The following COL5A3 variants were observed in gnomAD, a reference collection of about 807,000 sequenced individuals.
The protein encoded by COL5A3 is collagen type V alpha 3 chain, also known as collagen alpha-3(V) chain.
COL5A3 carries 172 observed loss-of-function variants against 250.0 expected under a neutral mutation model. The ratio of observed to expected loss-of-function variants is 0.69; its 90% CI spans 0.61 to 0.78. The LOEUF (loss-of-function observed/expected upper bound fraction) is 0.78, where lower values mean the gene tolerates loss of function less well. Ranked by LOEUF, COL5A3 falls within the 30% of genes least tolerant of loss-of-function variation. The pLI is 0.00. For missense variants in COL5A3, 2,340 were observed against 2,334.4 expected, an observed-to-expected ratio of 1.00 and a Z score of -0.05; for synonymous variants, 937 against 900.4, an observed-to-expected ratio of 1.04 and a Z score of -0.73.
At position 9,997,377 on chromosome 19, in the gene COL5A3, ACCAGGGTCG is replaced by A. The variant is rs754035787; in HGVS notation, c.1248_1256del (p.Asp417_Gly419del). The A allele has an allele frequency of 3.1e-6, 5 of 1,609,132 alleles. No individual in the cohort carries two copies. The East Asian group carries it at 1.1e-4, about 36-fold the overall frequency. ...CCCAGTGGGAGTCTCTTACCGGTGG[ACCAGGGTCG>A]CCAGGGAATCCTGGGGGGCCGGGAG... On this transcript the variant is annotated inframe_deletion, in exon 11 of 67. Coordinates refer to ENST00000264828, the MANE Select transcript of COL5A3 (RefSeq NM_015719.4).
At chr19:9,972,890 G>T in intron 51 of COL5A3, 29 bp downstream of exon 51, 1 of 1,510,638 alleles carries the variant, frequency 6.6e-7, no homozygotes, top group Non-Finnish European at 8.9e-7. Context: ...CCCCTCCCAT[G>T]TCTGCCCCCA....
At position 9,986,354 on chromosome 19, in the gene COL5A3, C is replaced by T; in HGVS notation, c.2313G>A (p.Gln771=). 6.3e-7 allele frequency: 1 copy of T among 1,594,196 alleles called. No homozygotes were observed. The highest frequency in any genetic ancestry group is 8.5e-7 in the Non-Finnish European group (1 of 1,175,278). The part of the protein sequence containing the change: ...GPEGPKGQAG[Q]AGEEGPPGSA... ...AGCCTGGGGGCCCCTCCTCGCCAGC[C>T]TGCCCCGCCTGCCCCTTCGGCCCCT... The change falls in exon 30 of 67, where the codon CAG becomes CAA. Residue 771 remains glutamine (Q), a synonymous_variant. Coordinates refer to ENST00000264828, the MANE Select transcript of COL5A3 (RefSeq NM_015719.4).
chr19:9,977,251 C>A lies in COL5A3; in HGVS notation c.3266G>T (p.Ser1089Ile). Residue 1089 changes from serine (S) to isoleucine (I), a missense_variant, in exon 44 of 67, where the codon AGT becomes ATT. Physicochemically the swap from Ser to Ile is moderately radical, Grantham distance 142. Around this residue, in one of 3 missense-constraint regions of COL5A3, gnomAD observed 1,179 missense variants for 1,162.6 expected, o/e 1.01. Transcript: ENST00000264828. ...GDVGAPGHKG[S>I]KGDKGDAGPP... ...CACCGCGTCTCCTTTATCGCCTTTA[C>A]TCCCCTTGTGTCCGGGGGCACCCAC... The A allele has an allele frequency of 6.2e-7, 1 of 1,613,868 alleles. No individual in the cohort carries two copies. The highest frequency in any genetic ancestry group is 8.5e-7 in the Non-Finnish European group (1 of 1,179,818).
In COL5A3 at chr19:10,003,674, T is replaced by A; in HGVS notation, c.740A>T (p.Lys247Met). 2 of 1,614,130 alleles carry A rather than the reference T, an allele frequency of 1.2e-6. No homozygotes were observed. The highest frequency in any genetic ancestry group is 1.7e-6 in the Non-Finnish European group (2 of 1,180,026). ...GEPETPRPRR[K>M]GKGKGRKKGR... The stretch of plus-strand genomic sequence containing the variant: ...TTTCTTCCTCCCTTTTCCCTTCCCC[T>A]TCCGCCGAGGACGAGGGGTTTCTGG... Residue 247 changes from lysine to methionine, a missense_variant, in exon 6 of 67, where the codon AAG becomes ATG. By Grantham distance (95) the Lys-to-Met change is moderately conservative. This residue lies in a region of COL5A3 where 1,152 missense variants were observed against 1,146.3 expected (regional missense o/e 1.00). Coordinates refer to ENST00000264828, the MANE Select transcript of COL5A3 (RefSeq NM_015719.4).
At chr19:9,986,292 C>G in intron 30 of COL5A3, 23 bp downstream of exon 30, 1 of 1,453,216 alleles carries the variant, frequency 6.9e-7, no homozygotes, top group Non-Finnish European at 9.3e-7. Flanking sequence ...CTGTGGGAGG[C>G]TAGAGGGTGG....
At chr19:9,993,545 C>T in intron 18 of COL5A3, 74 bp downstream of exon 18, 1 of 1,585,594 alleles carries the variant, frequency 6.3e-7, no homozygotes, top group Non-Finnish European at 8.7e-7. Context: ...GACTCTGATA[C>T]TGAGGGAGAA....
At chr19:10,008,032 G>T (rs2087467102) in intron 1 of COL5A3, among the ~76,000 whole-genome samples, 1 of 151,166 alleles carries the variant, frequency 6.6e-6, no homozygotes, top group Admixed American at 6.6e-5. Context: ...TGCCTGTTTT[G>T]TGGCTAGGCT....
Position 9,976,369 on chromosome 19 carries a change from G to C in COL5A3, c.3342+189C>G, listed in dbSNP as rs1280335478. On this transcript the variant is annotated intron_variant, in intron 45 of 66. Transcript: ENST00000264828. Reference sequence around the variant, plus strand: ...AGTTCATATTGAGTGTCGGTATTGAGGGGACAACATGGTTGGGTTGGGATT... The same window carrying C: ...AGTTCATATTGAGTGTCGGTATTGACGGGACAACATGGTTGGGTTGGGATT... Among the ~76,000 whole-genome samples, 3 of 149,686 alleles carry C rather than the reference G, an allele frequency of 2.0e-5. No homozygotes were observed. The Admixed American group carries it at 2.1e-4, about 10-fold the overall frequency.
In COL5A3 at chr19:10,005,799, C is replaced by A. The variant is rs780250165; in HGVS notation, c.434G>T (p.Gly145Val). 1.2e-6 allele frequency: 2 copies of A among 1,609,706 alleles called. No homozygotes were observed. The highest frequency in any genetic ancestry group is 1.7e-6 in the Non-Finnish European group (2 of 1,177,276). ...CGCCCACTCTCCCCATGCTCACCTG[C>A]CATCTGTGAGGTTGACCTGCTGGGG... ...PLPQQVNLTD[G>V]RWHRVAVSID... Residue 145 changes from glycine to valine, a missense_variant, in exon 3 of 67, where the codon GGC becomes GTC. Coordinates refer to ENST00000264828, the MANE Select transcript of COL5A3 (RefSeq NM_015719.4).
At chr19:9,978,679 T>C (rs1399023427) in intron 40 of COL5A3, 52 bp from the exon 41 acceptor site, 1 of 1,286,962 alleles carries the variant, frequency 7.8e-7, no homozygotes, top group Non-Finnish European at 1.1e-6. Context: ...TGTCCCCAGG[T>C]CCTGTCTTCC....
chr19:9,980,604 A>G (rs58569966), intron 35 of COL5A3, 44 bp downstream of exon 35: 2 of 1,367,828 alleles, frequency 1.5e-6, no homozygotes, highest in South Asian at 2.6e-5. Context: ...TCTCTCTCTC[A>G]CACACACACA....
Position 9,986,605 on chromosome 19 carries a change from C to T in COL5A3, c.2192G>A (p.Gly731Glu), listed in dbSNP as rs1222717181. ...RGLQGEKGEK[G>E]EDGFPGFKGD... ...CTTGAAGCCTGGGAAGCCGTCCTCT[C>T]CCTGGGTGGGAGAGACAGAGGCCAG... is the stretch of plus-strand genomic sequence containing the variant. The change falls in exon 29 of 67, where the codon GGA becomes GAA. Residue 731 changes from glycine (G) to glutamate (E), a missense_variant and splice_region_variant. Physicochemically the swap from Gly to Glu is moderately conservative, Grantham distance 98 (BLOSUM62 -2). Around this residue, in one of 3 missense-constraint regions of COL5A3, gnomAD observed 1,152 missense variants for 1,146.3 expected, o/e 1.00. Transcript: ENST00000264828. 6.2e-7 allele frequency: 1 copy of T among 1,613,968 alleles called. No homozygotes were observed.
chr19:9,967,867 T>G, intron 61 of COL5A3, 37 bp downstream of exon 61: 10 of 1,603,196 alleles, frequency 6.2e-6, no homozygotes, highest in Non-Finnish European at 8.5e-6. Flanking sequence ...GGTGGGGAGC[T>G]GGGATGTGTA....
Position 9,966,329 on chromosome 19 carries a change from G to C in COL5A3, c.4767C>G (p.Asp1589Glu). Reference protein sequence around the residue: ...TAGGETCLYPDKKFEIVKLAS... With the variant: ...TAGGETCLYPEKKFEIVKLAS... ...GGTTACTCACGATCTCAAACTTCTT[G>C]TCGGGATAGAGGCAGGTCTCTCCTC... is the stretch of plus-strand genomic sequence containing the variant. Residue 1589 changes from aspartate to glutamate, a missense_variant, in exon 64 of 67, where the codon GAC (aspartate) becomes GAG (glutamate). Around this residue, in one of 3 missense-constraint regions of COL5A3, gnomAD observed 1,179 missense variants for 1,162.6 expected, o/e 1.01. Coordinates refer to ENST00000264828, the MANE Select transcript of COL5A3 (RefSeq NM_015719.4). 6.2e-7 allele frequency: 1 copy of C among 1,606,778 alleles called. No homozygotes were observed. Among genetic ancestry groups the C allele is most frequent in the Non-Finnish European group, 8.5e-7 (1 of 1,176,274 alleles).
chr19:9,993,825 C>T lies in COL5A3; in HGVS notation c.1588-19G>A, dbSNP rs2087232223. The T allele has an allele frequency of 2.5e-6, 4 of 1,613,268 alleles. No individual in the cohort carries two copies. The East Asian group carries it at 8.9e-5, about 36-fold the overall frequency. On this transcript the variant is annotated intron_variant, in intron 16 of 66. Transcript: ENST00000264828. The stretch of plus-strand genomic sequence containing the variant: ...GGCGGCCCTATGGAGAAAGTAAGCC[C>T]AAGAGTCAAGGATGAGCCTTCCCTG...
chr19:9,997,412 G>A lies in COL5A3; in HGVS notation c.1222C>T (p.Pro408Ser), dbSNP rs1438889822. ...GPQGVVGPSGPPGPPGFPGDP... is the reference protein window; with the variant it reads ...GPQGVVGPSGSPGPPGFPGDP... ...CCAGGGAATCCTGGGGGGCCGGGAG[G>A]GCCTGAGGGGCCAACCACCCCCTGT... is the stretch of plus-strand genomic sequence containing the variant. Residue 408 changes from proline (P) to serine (S), a missense_variant, in exon 11 of 67, where the codon CCT becomes TCT. By Grantham distance (74) the Pro-to-Ser change is moderately conservative (BLOSUM62 -1). Around this residue, in one of 3 missense-constraint regions of COL5A3, gnomAD observed 1,152 missense variants for 1,146.3 expected, o/e 1.00. Transcript: ENST00000264828. The A allele has an allele frequency of 6.2e-7, 1 of 1,608,758 alleles. No individual in the cohort carries two copies.
rs1024873374 is a variant in COL5A3 at position 9,966,532 on chromosome 19, T to A, written c.4669+4A>T. ...ATCCAAGTGGCGGGGGGACCGGACC[T>A]CACCATCAGGCAGGTGCGGGTGGTT... On this transcript the variant is annotated splice_donor_region_variant and intron_variant, in intron 63 of 66. Transcript: ENST00000264828. 1 of 1,541,898 alleles carries A rather than the reference T, an allele frequency of 6.5e-7. No individual in the cohort carries two copies. The highest frequency in any genetic ancestry group is 1.2e-5 in the South Asian group (1 of 84,028).
Position 9,992,846 on chromosome 19 carries a change from G to C in COL5A3, c.1829C>G (p.Pro610Arg). ...PRGLLGPRGS[P>R]GPTGRPGVTG... ...ACTCACCGGGCGACCCGTGGGGCCAGGAGAGCCTCTGGGGCCAAGCAGTCC... is the reference window on the plus strand; with the variant it reads ...ACTCACCGGGCGACCCGTGGGGCCACGAGAGCCTCTGGGGCCAAGCAGTCC... The change falls in exon 21 of 67, where the codon CCT (proline) becomes CGT (arginine). Residue 610 changes from proline to arginine, a missense_variant. By Grantham distance (103) the Pro-to-Arg change is moderately radical. Coordinates refer to ENST00000264828, the MANE Select transcript of COL5A3 (RefSeq NM_015719.4). The C allele has an allele frequency of 1.9e-6, 3 of 1,614,144 alleles. No individual in the cohort carries two copies. The highest frequency in any genetic ancestry group is 2.5e-6 in the Non-Finnish European group (3 of 1,179,994).
In COL5A3 at chr19:9,971,224, G is replaced by A. The variant is rs137875949; in HGVS notation, c.3809C>T (p.Pro1270Leu). 3.6e-5 allele frequency: 57 copies of A among 1,563,738 alleles called. No individual in the cohort carries two copies. Among genetic ancestry groups the A allele is most frequent in the Non-Finnish European group, 4.5e-5 (52 of 1,163,546 alleles). Residue 1270 changes from proline to leucine, a missense_variant, in exon 52 of 67, where the codon CCA becomes CTA. Transcript: ENST00000264828. ...ACTCACTGAAACTCCAGGGTCTCCT[G>A]GGGGCCCTAGATCTCCGGGCAGCCC... ...PTGLPGDLGP[P>L]GDPGVSGIDG... is the part of the protein sequence containing the mutation.
Sources: gnomAD v4.1 joint callset for allele counts (sites outside exome capture counted in the v4.1 genomes callset) on GRCh38, gnomAD v4.1.1 for gene constraint, gnomAD v4.1.1 regional missense constraint, MANE v1.5 for transcripts, NCBI Gene and HGNC (gene_info 2026-07-23, HGNC 2026-07-21) for gene names.